The following TPO variants were observed in gnomAD, a reference collection of about 807,000 sequenced individuals.
TPO encodes thyroid peroxidase, also known as thyroid microsomal antigen.
A neutral mutation model predicts 96.9 loss-of-function variants in TPO; 78 were observed. The observed-to-expected ratio is 0.81, with a 90% CI of 0.67 to 0.97. TPO has a LOEUF of 0.97. Ranked by LOEUF, TPO falls within the 50% of genes least tolerant of loss-of-function variation. The pLI is 0.00. For missense variants in TPO, 1,252 were observed against 1,274.8 expected (o/e 0.98, Z 0.27); for synonymous variants, 547 against 538.0 (o/e 1.02, Z -0.23).
chr2:1,488,114 A>G, intron 10 of TPO, 123 bp downstream of exon 10: 1 of 1,403,670 alleles, frequency 7.1e-7, no homozygotes, highest in Non-Finnish European at 9.8e-7. Flanking sequence ...CTTCTAAGCA[A>G]CGGCTCTTAA....
At chr2:1,410,284 C>T (rs947264800), upstream of TPO, among the ~76,000 whole-genome samples, 7 of 151,996 alleles carry the variant, frequency 4.6e-5, no homozygotes, top group African/African-American at 1.2e-4. Flanking sequence ...AAGCTGGGGG[C>T]GAGGAAAACA....
intron 15 of TPO, among the ~76,000 whole-genome samples, chr2:1,527,540 C>G (rs917001399): frequency 5.4e-5 from 8 of 149,398 alleles, no homozygotes; most frequent in African/African-American, 2.0e-4. Context: ...CTAAATCCCT[C>G]CAACTGTGTT....
intron 14 of TPO, among the ~76,000 whole-genome samples, chr2:1,515,951 C>G (rs761310249): frequency 6.6e-6 from 1 of 152,106 alleles, no homozygotes; most frequent in African/African-American, 2.4e-5. Context: ...AGTCAGTTTT[C>G]GTTTCATCTT....
chr2:1,534,262 T>A (rs1468839262), intron 15 of TPO, among the ~76,000 whole-genome samples: 2 of 100,210 alleles, frequency 2.0e-5, no homozygotes, highest in Non-Finnish European at 3.8e-5. Context: ...AGCAACCTTC[T>A]CAAATCCCCC....
intron 8 of TPO, among the ~76,000 whole-genome samples, chr2:1,483,039 G>A (rs372547426): frequency 5.9e-5 from 9 of 152,182 alleles, no homozygotes; most frequent in Admixed American, 3.3e-4. Flanking sequence ...GCCCAACCTC[G>A]ACGGCTCCCA....
intron 15 of TPO, among the ~76,000 whole-genome samples, chr2:1,522,417 G>A (rs1344700720): frequency 8.1e-6 from 1 of 123,498 alleles, no homozygotes; most frequent in Non-Finnish European, 1.7e-5. Context: ...GCCTGCCACC[G>A]TGCCCTCGCA....
chr2:1,419,709 C>T (rs1333102121), intron 2 of TPO, among the ~76,000 whole-genome samples: 1 of 152,178 alleles, frequency 6.6e-6, no homozygotes, highest in Non-Finnish European at 1.5e-5. Flanking sequence ...TTGCTTTGGT[C>T]TTGCAGCTTC....
chr2:1,535,423 T>A (rs1332797223), intron 15 of TPO, among the ~76,000 whole-genome samples: 2 of 79,132 alleles, frequency 2.5e-5, no homozygotes, highest in African/African-American at 4.8e-5. Context: ...CCCTACTGTG[T>A]GCAACCTCCC....
At chr2:1,416,903 G>A (rs1305456448) in intron 2 of TPO, among the ~76,000 whole-genome samples, 2 of 152,338 alleles carry the variant, frequency 1.3e-5, no homozygotes, top group African/African-American at 2.4e-5. Context: ...CAGCGGCAGG[G>A]CCAAGAGGAT....
At chr2:1,534,302 C>T (rs907285112) in intron 15 of TPO, among the ~76,000 whole-genome samples, 1 of 146,838 alleles carries the variant, frequency 6.8e-6, no homozygotes. Flanking sequence ...ACATCCCCCT[C>T]GCTGTGCGCA....
At position 1,436,334 on chromosome 2, in the gene TPO, C is replaced by T. The variant is rs759438251; in HGVS notation, c.432C>T (p.Asn144=). Residue 144 remains asparagine, a synonymous_variant, in exon 5 of 17, where the codon AAC becomes AAT. Coordinates refer to ENST00000329066, the MANE Select transcript of TPO (RefSeq NM_001206744.2). ...LPYMLPPKCP[N]TCLANKYRPI... is the part of the protein sequence containing the mutation. ...ACATGCTGCCCCCAAAATGCCCAAACACTTGCCTGGCGAACAAATACAGGC... is the reference window on the plus strand; with the variant it reads ...ACATGCTGCCCCCAAAATGCCCAAATACTTGCCTGGCGAACAAATACAGGC... The T allele has an allele frequency of 1.2e-6, 2 of 1,614,224 alleles. No homozygotes were observed. The highest frequency in any genetic ancestry group is 1.7e-6 in the Non-Finnish European group (2 of 1,180,042).
intron 10 of TPO, among the ~76,000 whole-genome samples, chr2:1,490,800 G>A (rs1671706562): frequency 6.6e-6 from 1 of 152,226 alleles, no homozygotes; most frequent in African/African-American, 2.4e-5. Flanking sequence ...AAGCTGAGCT[G>A]TGATGATGAT....
chr2:1,420,900 C>T (rs981481432), intron 2 of TPO, among the ~76,000 whole-genome samples: 24 of 152,110 alleles, frequency 1.6e-4, no homozygotes, highest in Admixed American at 6.5e-4. Context: ...AGGAAAGCCA[C>T]GGCTGGGCTT....
At chr2:1,479,816 C>A (rs1472907214) in intron 8 of TPO, among the ~76,000 whole-genome samples, 1 of 151,542 alleles carries the variant, frequency 6.6e-6, no homozygotes, top group Non-Finnish European at 1.5e-5. Flanking sequence ...CAGTCTCACT[C>A]TGTCACCCAG....
At chr2:1,534,123 CCCCAAATCCCCCCAACTGTTTGCAACCT>C (rs1678972580) in intron 15 of TPO, among the ~76,000 whole-genome samples, 1 of 67,584 alleles carries the variant, frequency 1.5e-5, no homozygotes, top group Non-Finnish European at 3.2e-5. Flanking sequence ...TGTGCAACCT[CCCCAAATCCCCCCAACTGTTTGCAACCT>C]CCCAAATCCC....
intron 14 of TPO, among the ~76,000 whole-genome samples, chr2:1,505,622 T>TAA (rs138861563): frequency 1.0e-3 from 155 of 149,968 alleles, no homozygotes; most frequent in African/African-American, 3.3e-3. Context: ...TTATTTCTTC[T>TAA]AAAAAAAAAG....
At chr2:1,468,099 C>G (rs993150198) in intron 7 of TPO, among the ~76,000 whole-genome samples, 4 of 151,794 alleles carry the variant, frequency 2.6e-5, no homozygotes, top group Admixed American at 2.0e-4. Flanking sequence ...AGGCATGTCT[C>G]TTGAAGGCAG....
chr2:1,376,297 C>T (rs1462739816), intron 1 of TPO, among the ~76,000 whole-genome samples: 3 of 152,132 alleles, frequency 2.0e-5, no homozygotes, highest in African/African-American at 4.8e-5. Flanking sequence ...CTCCCACATG[C>T]GTTGATGTGA....
intron 15 of TPO, among the ~76,000 whole-genome samples, chr2:1,520,846 T>C (rs1459514255): frequency 1.3e-5 from 2 of 152,256 alleles, no homozygotes; most frequent in Non-Finnish European, 2.9e-5. Context: ...CTTTGTGTTA[T>C]GATTTCTTCA....
Sources: gnomAD v4.1 joint callset for allele counts (sites outside exome capture counted in the v4.1 genomes callset) on GRCh38, gnomAD v4.1.1 for gene constraint, MANE v1.5 for transcripts, NCBI Gene and HGNC (gene_info 2026-07-23, HGNC 2026-07-21) for gene names.